Variants in ABHD18 observed in about 807,000 individuals in gnomAD.
The protein encoded by ABHD18 is cardiolipin-specific deacylase, mitochondrial.
In ABHD18, 55 loss-of-function variants were observed where a neutral mutation model predicts 65.9. The ratio of observed to expected loss-of-function variants is 0.84; its 90% confidence interval spans 0.67 to 1.05. ABHD18 has a LOEUF of 1.05. Among genes scored for constraint, ABHD18 ranks in the 50% least tolerant of loss-of-function variants. The pLI, the probability that ABHD18 is intolerant of heterozygous loss-of-function variation, is 0.00. For synonymous variants in ABHD18, 181 were observed against 180.2 expected, an observed-to-expected ratio of 1.00 and a Z score of -0.04; for missense variants, 533 against 558.5, an observed-to-expected ratio of 0.95 and a Z score of 0.46.
chr4:128,033,828 A>G (rs1386065951), intron 12 of ABHD18, among the ~76,000 whole-genome samples: 2 of 150,962 alleles, frequency 1.3e-5, no homozygotes, highest in African/African-American at 4.9e-5. Flanking sequence ...GAGCCACCGC[A>G]CCCGGCTAAA....
At chr4:127,997,803 C>T (rs942494951) in intron 4 of ABHD18, among the ~76,000 whole-genome samples, 15 of 152,056 alleles carry the variant, frequency 9.9e-5, no homozygotes, top group African/African-American at 3.6e-4. Context: ...CCACTTCTTC[C>T]TTCTTTATTC....
chr4:127,994,123 T>C (rs768314199), intron 4 of ABHD18, among the ~76,000 whole-genome samples: 5 of 152,220 alleles, frequency 3.3e-5, no homozygotes, highest in Admixed American at 6.5e-5. Context: ...AGCATTCTTT[T>C]CCGTTAAAGA....
At position 128,007,859 on chromosome 4, in the gene ABHD18, T is replaced by C. The variant is rs1282222609; in HGVS notation, c.279-1061T>C. Among the ~76,000 whole-genome samples, 7 of 152,164 alleles carry C rather than the reference T, an allele frequency of 4.6e-5. No individual in the cohort carries two copies. In the East Asian group the frequency reaches 1.3e-3, roughly 29 times the overall value. On this transcript the variant is annotated intron_variant, in intron 4 of 12. Coordinates refer to ENST00000645843, the MANE Select transcript of ABHD18 (RefSeq NM_001358451.3). ...CATCTTAATGAATCAGATTCTATCA[T>C]ATACTAAAAGTTTTAAAAAAAGACA...
chr4:128,012,068 C>G (rs910518754), intron 7 of ABHD18, among the ~76,000 whole-genome samples: 1 of 151,262 alleles, frequency 6.6e-6, no homozygotes, highest in African/African-American at 2.5e-5. Context: ...ACCTCTGCCT[C>G]CTGGGTTCAA....
chr4:127,981,929 G>A (rs753116760), intron 1 of ABHD18, among the ~76,000 whole-genome samples: 20 of 152,130 alleles, frequency 1.3e-4, no homozygotes, highest in Non-Finnish European at 2.6e-4. Flanking sequence ...ATGAGAGGCA[G>A]TATGAAAGAC....
At chr4:127,977,230 T>C (rs1166699514) in intron 1 of ABHD18, among the ~76,000 whole-genome samples, 2 of 152,040 alleles carry the variant, frequency 1.3e-5, no homozygotes, top group Non-Finnish European at 2.9e-5. Flanking sequence ...CCCAGCCCTT[T>C]GGGAGGCTGA....
rs1234593079 is a variant in ABHD18 at position 128,004,684 on chromosome 4, G to A, written c.279-4236G>A. ...CCAGCACTTTGGGAGACCAAGGCGG[G>A]TGGATCACCTGAGGTCAGGAGTTCG... is the stretch of plus-strand genomic sequence containing the variant. On this transcript the variant is annotated intron_variant, in intron 4 of 12. Coordinates refer to ENST00000645843, the MANE Select transcript of ABHD18 (RefSeq NM_001358451.3). Among the ~76,000 whole-genome samples, 5 of 151,974 alleles carry A rather than the reference G, an allele frequency of 3.3e-5. No homozygotes were observed. In the East Asian group the frequency reaches 9.7e-4, roughly 29 times the overall value.
chr4:127,968,093 C>T (rs1173309772), intron 1 of ABHD18, among the ~76,000 whole-genome samples: 4 of 152,206 alleles, frequency 2.6e-5, no homozygotes, highest in Non-Finnish European at 4.4e-5. Flanking sequence ...CCTGTAGTCC[C>T]AGCTACTCGG....
At chr4:127,997,997 C>T (rs1199608857) in intron 4 of ABHD18, among the ~76,000 whole-genome samples, 1 of 152,120 alleles carries the variant, frequency 6.6e-6, no homozygotes, top group Non-Finnish European at 1.5e-5. Context: ...TTGGGTGACC[C>T]TCCAACCTCA....
intron 4 of ABHD18, among the ~76,000 whole-genome samples, chr4:127,990,624 GGAA>G (rs1296828887): frequency 6.6e-6 from 1 of 152,144 alleles, no homozygotes; most frequent in South Asian, 2.1e-4. Context: ...TTTTATAATA[GGAA>G]GAAGAAGTAC....
At chr4:127,993,293 T>G (rs958861134) in intron 4 of ABHD18, among the ~76,000 whole-genome samples, 2 of 152,188 alleles carry the variant, frequency 1.3e-5, no homozygotes, top group African/African-American at 2.4e-5. Context: ...TTACTCAGAC[T>G]CAGAAATACT....
In ABHD18 at chr4:128,028,676, T is replaced by G; in HGVS notation, c.1003T>G (p.Ser335Ala). 6.2e-7 allele frequency: 1 copy of G among 1,613,904 alleles called. No individual in the cohort carries two copies. The highest frequency in any genetic ancestry group is 1.1e-5 in the South Asian group (1 of 91,076). The change falls in exon 11 of 13, where the codon TCT (serine) becomes GCT (alanine). Residue 335 changes from serine (S) to alanine (A), a missense_variant. Physicochemically the swap from Ser to Ala is moderately conservative, Grantham distance 99 (BLOSUM62 1). Around this residue, in one of 3 missense-constraint regions of ABHD18, gnomAD observed 220 missense variants for 226.8 expected, o/e 0.97. Coordinates refer to ENST00000645843, the MANE Select transcript of ABHD18 (RefSeq NM_001358451.3). ...AGAAGGACTCTTATTGCAAGATACC[T>G]CTAAGATGAAGCGCTTCAATCAAAC... Reference protein sequence around the residue: ...TSEGLLLQDTSKMKRFNQTLS... With the variant: ...TSEGLLLQDTAKMKRFNQTLS...
intron 12 of ABHD18, among the ~76,000 whole-genome samples, chr4:128,035,162 ATAATT>A (rs1758742409): frequency 6.6e-6 from 1 of 152,164 alleles, no homozygotes; most frequent in South Asian, 2.1e-4. Context: ...TTTTTCTTTC[ATAATT>A]TATTTTATAC....
chr4:128,029,787 T>C (rs1757947752), intron 11 of ABHD18, among the ~76,000 whole-genome samples: 1 of 152,144 alleles, frequency 6.6e-6, no homozygotes, highest in Non-Finnish European at 1.5e-5. Flanking sequence ...ATCATGCCAC[T>C]GCACTCAGCC....
At chr4:127,985,485 T>C (rs1263686118) in intron 3 of ABHD18, among the ~76,000 whole-genome samples, 1 of 152,172 alleles carries the variant, frequency 6.6e-6, no homozygotes, top group Non-Finnish European at 1.5e-5. Context: ...AAGTTCTTTC[T>C]GTATCTTCTG....
In ABHD18 at chr4:128,020,116, A is replaced by G; in HGVS notation, c.646A>G (p.Met216Val). Reference sequence around the variant, plus strand: ...AGCGGTATCCAACTGGCCTAAGCCCATGCCATTGATTCCATGCCTGTCTTG... The same window carrying G: ...AGCGGTATCCAACTGGCCTAAGCCCGTGCCATTGATTCCATGCCTGTCTTG... ...SLAVSNWPKP[M>V]PLIPCLSWST... is the part of the protein sequence containing the mutation. Residue 216 changes from methionine to valine, a missense_variant, in exon 9 of 13, where the codon ATG becomes GTG. Physicochemically the swap from Met to Val is conservative, Grantham distance 21. Around this residue, in one of 3 missense-constraint regions of ABHD18, gnomAD observed 309 missense variants for 313.5 expected, o/e 0.99. Coordinates refer to ENST00000645843, the MANE Select transcript of ABHD18 (RefSeq NM_001358451.3). The G allele has an allele frequency of 6.2e-7, 1 of 1,613,722 alleles. No homozygotes were observed. Among genetic ancestry groups the G allele is most frequent in the Non-Finnish European group, 8.5e-7 (1 of 1,179,724 alleles).
rs1001447852 is a variant in ABHD18 at position 128,022,803 on chromosome 4, G to A, written c.801+1565G>A. On this transcript the variant is annotated intron_variant, in intron 10 of 12. Transcript: ENST00000645843. ...TTTTTTTTCTCTGTCTTGCTGTGTC[G>A]CCCAGGCTGGAGTGCAGTGGCACGA... Among the ~76,000 whole-genome samples the A allele has an allele frequency of 7.8e-5, 11 of 141,762 alleles. No homozygotes were observed. The South Asian group carries it at 1.1e-3, about 14-fold the overall frequency. The allele number at this position is 141,762 out of a possible 152,430, so 93.0% of individuals were successfully genotyped here.
At chr4:127,985,610 T>C (rs1463527043) in intron 3 of ABHD18, among the ~76,000 whole-genome samples, 1 of 151,268 alleles carries the variant, frequency 6.6e-6, no homozygotes, top group African/African-American at 2.4e-5. Context: ...CATACCAAGT[T>C]AAAAAAAAAT....
At chr4:127,974,188 GTTTTTTT>G (rs34967150) in intron 1 of ABHD18, among the ~76,000 whole-genome samples, 200 of 101,456 alleles carry the variant, frequency 2.0e-3, no homozygotes, top group Middle Eastern at 0.017. Flanking sequence ...CTTAAGTTCT[GTTTTTTT>G]TTTTTTTTTT....
Sources: allele counts gnomAD v4.1 joint callset (sites outside exome capture counted in the v4.1 genomes callset), GRCh38; gene constraint gnomAD v4.1.1; regional missense constraint gnomAD v4.1.1; transcripts MANE v1.5; gene names NCBI Gene and HGNC (gene_info 2026-07-23, HGNC 2026-07-21).